Variants in COBLL1 observed in about 807,000 individuals in gnomAD.
The protein encoded by COBLL1 is cordon-bleu WH2 repeat protein like 1, also known as cordon-bleu protein-like 1.
A neutral mutation model predicts 94.8 loss-of-function variants in COBLL1; 50 were observed. That is an observed-to-expected ratio of 0.53 (90% CI 0.42 to 0.67). The LOEUF (loss-of-function observed/expected upper bound fraction) is 0.67, where lower values mean the gene tolerates loss of function less well. COBLL1 is among the 30% of genes least tolerant of loss of function. The pLI, the probability that COBLL1 is intolerant of heterozygous loss-of-function variation, is 0.00. For synonymous variants in COBLL1, 448 were observed against 473.8 expected, an observed-to-expected ratio of 0.95 and a Z score of 0.71; for missense variants, 1,362 against 1,348.7, an observed-to-expected ratio of 1.01 and a Z score of -0.15.
At chr2:164,741,860 G>A (rs1185626829) in intron 3 of COBLL1, among the ~76,000 whole-genome samples, 1 of 152,068 alleles carries the variant, frequency 6.6e-6, no homozygotes, top group Non-Finnish European at 1.5e-5. Flanking sequence ...GAAAATTGCA[G>A]CATCCTACAG....
chr2:164,710,534 G>C (rs1684837614), intron 7 of COBLL1, among the ~76,000 whole-genome samples: 1 of 151,370 alleles, frequency 6.6e-6, no homozygotes, highest in South Asian at 2.1e-4. Context: ...TTAAAAGGCT[G>C]GGAAGACCAC....
At chr2:164,763,771 A>G (rs1303047774) in intron 2 of COBLL1, among the ~76,000 whole-genome samples, 1 of 152,270 alleles carries the variant, frequency 6.6e-6, no homozygotes, top group Non-Finnish European at 1.5e-5. Flanking sequence ...AATATAATAG[A>G]AACAATGTCA....
chr2:164,660,224 C>A (rs1691047820), intron 2 of COBLL1, among the ~76,000 whole-genome samples: 1 of 152,094 alleles, frequency 6.6e-6, no homozygotes, highest in African/African-American at 2.4e-5. Flanking sequence ...AATTCTCTAC[C>A]AAGAGACACA....
At position 164,682,662 on chromosome 2, in the gene COBLL1, G is replaced by T. The variant is rs934155142; in HGVS notation, c.*3284C>A. 2.6e-5 allele frequency: 4 copies of T among 152,098 alleles called. No homozygotes were observed. Among genetic ancestry groups the T allele is most frequent in the Non-Finnish European group, 5.9e-5 (4 of 68,016 alleles). The allele number at this position is 152,098 out of a possible 1,614,324, so 9.4% of individuals were successfully genotyped here. The stretch of plus-strand genomic sequence containing the variant: ...GGCAAATAATACCTGTTCACTTATA[G>T]TATTGACATCAGGTAACTTTAAAAG... On this transcript the variant is annotated 3_prime_UTR_variant, in exon 14 of 14. Coordinates refer to ENST00000652658, the MANE Select transcript of COBLL1 (RefSeq NM_001365672.2).
intron 2 of COBLL1, among the ~76,000 whole-genome samples, chr2:164,836,316 T>A (rs1683314977): frequency 6.6e-6 from 1 of 152,166 alleles, no homozygotes; most frequent in Non-Finnish European, 1.5e-5. Context: ...AGCCAAATAA[T>A]TAATCTCCTT....
chr2:164,783,314 G>A (rs1688798318), intron 2 of COBLL1, among the ~76,000 whole-genome samples: 1 of 152,198 alleles, frequency 6.6e-6, no homozygotes. Flanking sequence ...TCAGGAGGCT[G>A]AGGCAGGAGG....
At chr2:164,706,057 A>T (rs1458601562) in intron 7 of COBLL1, among the ~76,000 whole-genome samples, 1 of 152,014 alleles carries the variant, frequency 6.6e-6, no homozygotes, top group Non-Finnish European at 1.5e-5. Flanking sequence ...AAATAAACAA[A>T]AGAGTTGTTT....
chr2:164,820,935 T>C (rs1454985959), intron 2 of COBLL1, among the ~76,000 whole-genome samples: 1 of 152,226 alleles, frequency 6.6e-6, no homozygotes, highest in Non-Finnish European at 1.5e-5. Flanking sequence ...TCGCCCAGAC[T>C]GGAGTGCAGT....
At chr2:164,731,111 T>C (rs1343679424) in intron 3 of COBLL1, among the ~76,000 whole-genome samples, 1 of 152,190 alleles carries the variant, frequency 6.6e-6, no homozygotes, top group Non-Finnish European at 1.5e-5. Flanking sequence ...CGTTTGTTTA[T>C]ATAACGTCTC....
At chr2:164,794,308 G>A (rs1020805616) in intron 2 of COBLL1, among the ~76,000 whole-genome samples, 1 of 152,058 alleles carries the variant, frequency 6.6e-6, no homozygotes, top group Non-Finnish European at 1.5e-5. Flanking sequence ...ATAGATGCAA[G>A]GTAAAAGAAA....
At chr2:164,818,045 T>C (rs1684865858) in intron 2 of COBLL1, among the ~76,000 whole-genome samples, 1 of 151,872 alleles carries the variant, frequency 6.6e-6, no homozygotes, top group South Asian at 2.1e-4. Flanking sequence ...AAGATATCAA[T>C]CCTTATTCCA....
chr2:164,765,409 G>A (rs1687881789), intron 2 of COBLL1, among the ~76,000 whole-genome samples: 1 of 152,200 alleles, frequency 6.6e-6, no homozygotes, highest in African/African-American at 2.4e-5. Flanking sequence ...AGAGAAGGGA[G>A]TGGGAAAGAA....
At position 164,795,514 on chromosome 2, in the gene COBLL1, T is replaced by C. The variant is rs114347265; in HGVS notation, c.41+45642A>G. Among the ~76,000 whole-genome samples the C allele has an allele frequency of 2.1e-3, 321 of 152,274 alleles. 1 individual carries two copies. Among genetic ancestry groups the C allele is most frequent in the Non-Finnish European group, 3.2e-3 (219 of 68,018 alleles). On this transcript the variant is annotated intron_variant, in intron 2 of 13. Transcript: ENST00000652658. Reference sequence around the variant, plus strand: ...AAATTTTTCTTACTCCCAGAGTATCTAGATTGACCAATGACCCGCTCCCAG... The same window carrying C: ...AAATTTTTCTTACTCCCAGAGTATCCAGATTGACCAATGACCCGCTCCCAG...
rs114666549 is a variant in COBLL1 at position 164,777,844 on chromosome 2, G to T, written c.42-33969C>A. Among the ~76,000 whole-genome samples the T allele has an allele frequency of 6.8e-3, 1,034 of 152,246 alleles. 13 individuals carry two copies. The highest frequency in any genetic ancestry group is 0.024 in the African/African-American group (980 of 41,534). On this transcript the variant is annotated intron_variant, in intron 2 of 13. Coordinates refer to ENST00000652658, the MANE Select transcript of COBLL1 (RefSeq NM_001365672.2). ...TTCAGATCTAACTAATTAATACTCT[G>T]GGAAACAAGAATCTGTGTTAGGAAG...
chr2:164,730,247 C>A, intron 3 of COBLL1, 132 bp from the exon 4 acceptor site: 1 of 790,604 alleles, frequency 1.3e-6, no homozygotes, highest in South Asian at 1.8e-5. Context: ...ACAGGTCAAG[C>A]TACAGGCCAA....
chr2:164,808,089 G>A (rs1038607753), intron 2 of COBLL1, among the ~76,000 whole-genome samples: 1 of 151,998 alleles, frequency 6.6e-6, no homozygotes, highest in Non-Finnish European at 1.5e-5. Flanking sequence ...CAAAGTGCTG[G>A]GATTACAGCC....
intron 13 of COBLL1, chr2:164,687,801 C>G (rs922999887): frequency 2.3e-6 from 1 of 437,982 alleles, no homozygotes; most frequent in Admixed American, 3.5e-5. Context: ...CATTGTGGAA[C>G]CTTGGTCCTA....
intron 12 of COBLL1, among the ~76,000 whole-genome samples, chr2:164,693,360 A>T (rs2105425325): frequency 6.6e-6 from 1 of 152,292 alleles, no homozygotes; most frequent in South Asian, 2.1e-4. Context: ...AAAAATATTT[A>T]CTTGGCAATA....
chr2:164,697,480 G>A (rs369850547), intron 11 of COBLL1: 3 of 152,166 alleles, frequency 2.0e-5, no homozygotes, highest in East Asian at 3.9e-4. Context: ...ACAGTTATAA[G>A]CATGAAAGAA....
Sources: allele counts gnomAD v4.1 joint callset (sites outside exome capture counted in the v4.1 genomes callset), GRCh38; gene constraint gnomAD v4.1.1; transcripts MANE v1.5; gene names NCBI Gene and HGNC (gene_info 2026-07-23, HGNC 2026-07-21).